The following ZNRF2 variants were observed in gnomAD, a reference collection of about 807,000 sequenced individuals.
ZNRF2 encodes the protein zinc and ring finger 2.
A neutral mutation model predicts 20.4 loss-of-function variants in ZNRF2; 16 were observed. That is an observed-to-expected ratio of 0.79 (90% confidence interval 0.53 to 1.19). The LOEUF is 1.19. Among genes scored for constraint, ZNRF2 ranks in the 50% most tolerant of loss-of-function variants. The pLI is 0.00. For missense variants in ZNRF2, 363 were observed against 332.4 expected, an observed-to-expected ratio of 1.09 and a Z score of -0.72; for synonymous variants, 178 against 144.9, an observed-to-expected ratio of 1.23 and a Z score of -1.64.
In ZNRF2 at chr7:30,295,356, C is replaced by T. The variant is rs541019750; in HGVS notation, c.469+9530C>T. On this transcript the variant is annotated intron_variant, in intron 1 of 4. Transcript: ENST00000323037. ...TGGGGAAGAGTTTAAGTCTTCAAGT[C>T]ATGTTTCTTGGGCTGACCTTAAGCA... Among the ~76,000 whole-genome samples, 3 of 152,222 alleles carry T rather than the reference C, an allele frequency of 2.0e-5. No homozygotes were observed. In the South Asian group the frequency reaches 6.2e-4, roughly 32 times the overall value.
chr7:30,298,764 C>G (rs1799059644), intron 1 of ZNRF2, among the ~76,000 whole-genome samples: 1 of 152,176 alleles, frequency 6.6e-6, no homozygotes, highest in African/African-American at 2.4e-5. Flanking sequence ...GGGAGGACAA[C>G]TAGGAGATCT....
In ZNRF2 at chr7:30,285,459, C is replaced by T; in HGVS notation, c.102C>T (p.Thr34=). 8.8e-7 allele frequency: 1 copy of T among 1,137,066 alleles called. No homozygotes were observed. The highest frequency in any genetic ancestry group is 1.1e-6 in the Non-Finnish European group (1 of 924,768). 70.4% of individuals were successfully genotyped at this position (1,137,066 alleles called of 1,614,324 possible). A position where few individuals can be genotyped will look rare whatever the true frequency, so the allele number is the denominator to read the frequency against. ...PSSSSGGANG[T]AGGGGGARAA... is the part of the protein sequence containing the mutation. ...GTAGCAGCGGAGGCGCCAATGGGAC[C>T]GCGGGCGGCGGCGGGGGCGCTCGGG... is the stretch of plus-strand genomic sequence containing the variant. Residue 34 remains threonine (T), a synonymous_variant, in exon 1 of 5, where the codon ACC becomes ACT. Transcript: ENST00000323037.
intron 1 of ZNRF2, 41 bp from the exon 2 acceptor site, chr7:30,323,601 T>A (rs746758746): frequency 3.0e-6 from 4 of 1,335,834 alleles, no homozygotes; most frequent in Non-Finnish European, 4.2e-6. Flanking sequence ...TAGCTGGATA[T>A]TCAGAATAGT....
At chr7:30,365,553 C>G (rs1308716415) in intron 4 of ZNRF2, among the ~76,000 whole-genome samples, 1 of 152,030 alleles carries the variant, frequency 6.6e-6, no homozygotes, top group Non-Finnish European at 1.5e-5. Context: ...CCTGACTGTT[C>G]TTATTTATCA....
chr7:30,323,744 C>A lies in ZNRF2; in HGVS notation c.565+7C>A, dbSNP rs778926622. On this transcript the variant is annotated splice_region_variant and intron_variant, in intron 2 of 4. Transcript: ENST00000323037. The stretch of plus-strand genomic sequence containing the variant: ...CCACGAATAACCTATAATGGTAAGT[C>A]CAATGGTTTAAAATAATATTTTAAG... 2.0e-6 allele frequency: 3 copies of A among 1,475,518 alleles called. No homozygotes were observed. Among genetic ancestry groups the A allele is most frequent in the African/African-American group, 1.4e-5 (1 of 69,308 alleles). 91.4% of individuals were successfully genotyped at this position (1,475,518 alleles called of 1,614,324 possible).
intron 2 of ZNRF2, among the ~76,000 whole-genome samples, chr7:30,329,674 T>C (rs1176145473): frequency 1.3e-5 from 2 of 152,220 alleles, no homozygotes; most frequent in Non-Finnish European, 2.9e-5. Flanking sequence ...CTATTGTTTA[T>C]AGATACCACG....
chr7:30,333,368 T>TC (rs1029274942), intron 2 of ZNRF2, among the ~76,000 whole-genome samples: 2 of 149,840 alleles, frequency 1.3e-5, no homozygotes, highest in African/African-American at 4.9e-5. Context: ...TTTGACTTTT[T>TC]TTTTTTTTTT....
At chr7:30,320,625 G>T (rs959094206) in intron 1 of ZNRF2, among the ~76,000 whole-genome samples, 2 of 152,056 alleles carry the variant, frequency 1.3e-5, no homozygotes, top group East Asian at 1.9e-4. Flanking sequence ...TATTGAATAC[G>T]GTATTGAAAG....
intron 2 of ZNRF2, among the ~76,000 whole-genome samples, chr7:30,353,366 T>C (rs539250956): frequency 2.0e-5 from 3 of 152,254 alleles, no homozygotes; most frequent in East Asian, 3.9e-4. Context: ...AGGTATACTT[T>C]TCTTGAACAG....
chr7:30,341,861 C>T (rs1423329728), intron 2 of ZNRF2, among the ~76,000 whole-genome samples: 1 of 151,968 alleles, frequency 6.6e-6, no homozygotes, highest in African/African-American at 2.4e-5. Context: ...GTCTAAGTCT[C>T]TGTAGGTCTC....
intron 1 of ZNRF2, among the ~76,000 whole-genome samples, chr7:30,294,411 G>C (rs2128055803): frequency 6.6e-6 from 1 of 152,138 alleles, no homozygotes. Flanking sequence ...TCTTTTACTT[G>C]GAAGTTATTT....
chr7:30,335,422 G>A (rs1799701974), intron 2 of ZNRF2, among the ~76,000 whole-genome samples: 1 of 152,056 alleles, frequency 6.6e-6, no homozygotes, highest in African/African-American at 2.4e-5. Context: ...TGTGGTATTG[G>A]TGAAATCTGA....
chr7:30,358,884 C>A (rs1432116506), intron 3 of ZNRF2, among the ~76,000 whole-genome samples: 2 of 152,102 alleles, frequency 1.3e-5, no homozygotes, highest in Non-Finnish European at 2.9e-5. Context: ...TAGTTTTTTT[C>A]TCTCTCGATT....
chr7:30,289,933 T>C (rs1364274893), intron 1 of ZNRF2: 1 of 531,182 alleles, frequency 1.9e-6, no homozygotes, highest in South Asian at 1.4e-5. Context: ...GACCAGTAAC[T>C]AAGTTCTTCT....
intron 1 of ZNRF2, among the ~76,000 whole-genome samples, chr7:30,295,445 T>C (rs992001153): frequency 7.9e-5 from 12 of 152,196 alleles, no homozygotes; most frequent in Non-Finnish European, 1.3e-4. Flanking sequence ...TACAGTGGCT[T>C]GCACCTGTAA....
At chr7:30,330,374 G>C (rs1031536342) in intron 2 of ZNRF2, among the ~76,000 whole-genome samples, 25 of 152,128 alleles carry the variant, frequency 1.6e-4, no homozygotes, top group African/African-American at 5.1e-4. Context: ...TTTGAAGAAA[G>C]ATTGAGCCAG....
intron 2 of ZNRF2, among the ~76,000 whole-genome samples, chr7:30,331,006 G>T (rs1243075572): frequency 6.6e-6 from 1 of 152,150 alleles, no homozygotes; most frequent in Non-Finnish European, 1.5e-5. Flanking sequence ...AGGCAGAATT[G>T]AAGAGCTATT....
chr7:30,291,778 T>A (rs924123929), intron 1 of ZNRF2, among the ~76,000 whole-genome samples: 3 of 152,142 alleles, frequency 2.0e-5, no homozygotes, highest in African/African-American at 7.2e-5. Context: ...AATTTGCAAG[T>A]TATAAATGAA....
intron 2 of ZNRF2, among the ~76,000 whole-genome samples, chr7:30,328,120 G>T (rs1457581701): frequency 6.6e-6 from 1 of 152,088 alleles, no homozygotes; most frequent in Admixed American, 6.5e-5. Context: ...GAATTCTAAT[G>T]CCACCTGGTT....
Sources: gnomAD v4.1 joint callset for allele counts (sites outside exome capture counted in the v4.1 genomes callset) on GRCh38, gnomAD v4.1.1 for gene constraint, MANE v1.5 for transcripts, NCBI Gene and HGNC (gene_info 2026-07-23, HGNC 2026-07-21) for gene names.